The following BCAS3 variants were observed in gnomAD, a reference collection of about 807,000 sequenced individuals.
BCAS3 encodes the protein BCAS4/BCAS3 fusion.
BCAS3 carries 53 observed loss-of-function variants against 116.1 expected under a neutral mutation model. The observed-to-expected ratio is 0.46, with a 90% CI of 0.37 to 0.57. BCAS3 has a LOEUF of 0.57. Among genes scored for constraint, BCAS3 ranks in the 20% least tolerant of loss-of-function variants. The probability of loss-of-function intolerance (pLI) is 0.00; values close to 1 mark genes in which losing one functional copy is unlikely to be tolerated. For missense variants in BCAS3, 917 were observed against 1,165.4 expected (o/e 0.79, Z 3.10); for synonymous variants, 391 against 408.2 (o/e 0.96, Z 0.51).
chr17:61,015,449 C>T (rs1205930871), intron 15 of BCAS3, among the ~76,000 whole-genome samples: 1 of 152,044 alleles, frequency 6.6e-6, no homozygotes, highest in Non-Finnish European at 1.5e-5. Context: ...CCACAATACT[C>T]AGCTAATTTT....
chr17:60,828,878 A>G (rs773475080), intron 7 of BCAS3, among the ~76,000 whole-genome samples: 11 of 152,182 alleles, frequency 7.2e-5, no homozygotes, highest in Non-Finnish European at 1.0e-4. Context: ...TTGATCCCCA[A>G]GGGATATTTG....
chr17:60,753,998 GT>G (rs1186555033), intron 6 of BCAS3, among the ~76,000 whole-genome samples: 2 of 151,978 alleles, frequency 1.3e-5, no homozygotes, highest in African/African-American at 4.8e-5. Context: ...ATAAAGTGTT[GT>G]TTATAAATTA....
chr17:61,237,475 C>G (rs745593076), intron 22 of BCAS3, among the ~76,000 whole-genome samples: 22 of 152,212 alleles, frequency 1.4e-4, no homozygotes, highest in Non-Finnish European at 3.1e-4. Context: ...CCCACTGAGG[C>G]CCCCTAGCAG....
chr17:60,689,052 A>T (rs1201039575), intron 3 of BCAS3: 1 of 152,212 alleles, frequency 6.6e-6, no homozygotes, highest in Non-Finnish European at 1.5e-5. Context: ...TAAAGGTAGT[A>T]GTTGTGTTTG....
intron 14 of BCAS3, among the ~76,000 whole-genome samples, chr17:60,972,974 T>C (rs896590092): frequency 1.2e-4 from 18 of 152,224 alleles, no homozygotes; most frequent in Admixed American, 1.2e-3. Flanking sequence ...TATCCGAGCA[T>C]TGCTCTTGGG....
intron 12 of BCAS3, among the ~76,000 whole-genome samples, chr17:60,912,806 A>G (rs939151492): frequency 1.3e-5 from 2 of 152,064 alleles, no homozygotes; most frequent in Non-Finnish European, 2.9e-5. Flanking sequence ...AAGGCCACCC[A>G]CATTTATTGG....
chr17:60,916,252 C>T (rs996855015), intron 12 of BCAS3, among the ~76,000 whole-genome samples: 1 of 152,082 alleles, frequency 6.6e-6, no homozygotes, highest in African/African-American at 2.4e-5. Context: ...TTTTATATTC[C>T]CACCAGCACT....
intron 6 of BCAS3, among the ~76,000 whole-genome samples, chr17:60,789,339 T>C (rs2046556212): frequency 6.6e-6 from 1 of 152,140 alleles, no homozygotes. Flanking sequence ...GAGTTTACAA[T>C]GGTGTGTGTG....
At chr17:60,765,944 A>G (rs2044046652) in intron 6 of BCAS3, among the ~76,000 whole-genome samples, 1 of 152,200 alleles carries the variant, frequency 6.6e-6, no homozygotes, top group African/African-American at 2.4e-5. Context: ...TTGATCTTCA[A>G]TCACTGATAT....
chr17:61,359,515 G>A (rs2058338380), intron 22 of BCAS3, among the ~76,000 whole-genome samples: 1 of 138,310 alleles, frequency 7.2e-6, no homozygotes, highest in Non-Finnish European at 1.6e-5. Flanking sequence ...TTTTTTTTGA[G>A]ACGGACTCTC....
At chr17:61,081,214 A>G (rs1472996542) in intron 21 of BCAS3, among the ~76,000 whole-genome samples, 2 of 152,170 alleles carry the variant, frequency 1.3e-5, no homozygotes, top group Non-Finnish European at 1.5e-5. Flanking sequence ...TGCACAAGAC[A>G]CTGTCTCATT....
rs554836346 is a variant in BCAS3 at position 60,919,326 on chromosome 17, T to C, written c.994-5081T>C. Among the ~76,000 whole-genome samples, 18 of 152,308 alleles carry C rather than the reference T, an allele frequency of 1.2e-4. 1 individual carries two copies. The East Asian group carries it at 2.1e-3, about 18-fold the overall frequency. On this transcript the variant is annotated intron_variant, in intron 12 of 23. Coordinates refer to ENST00000407086, the MANE Select transcript of BCAS3 (RefSeq NM_017679.5). ...GTCTGTGCATCAGGTATAACACTTC[T>C]AATTTTTTTTTTCTTGAGACGAAGT...
chr17:60,930,862 G>A (rs934634993), intron 13 of BCAS3, among the ~76,000 whole-genome samples: 2 of 152,054 alleles, frequency 1.3e-5, no homozygotes, highest in Non-Finnish European at 2.9e-5. Flanking sequence ...CCACTTCCTG[G>A]GAAACGTTAA....
chr17:61,301,704 T>G (rs550131719), intron 22 of BCAS3, among the ~76,000 whole-genome samples: 1 of 152,164 alleles, frequency 6.6e-6, no homozygotes, highest in Non-Finnish European at 1.5e-5. Flanking sequence ...CTGCCTACAT[T>G]ATAATTGATA....
rs572267073 is a variant in BCAS3, at chr17:61,208,904, A to G, written c.2425+124340A>G. 6.6e-6 allele frequency among the ~76,000 whole-genome samples: 1 copy of G among 151,390 alleles called. No homozygotes were observed. Among genetic ancestry groups the G allele is most frequent in the Admixed American group, 6.6e-5 (1 of 15,188 alleles). The stretch of plus-strand genomic sequence containing the variant: ...AAAAAAAAAAAAAAGGAGGGCCTGT[A>G]TCTCTTGTGTAGCTCAGATCCTTTG... On this transcript the variant is annotated intron_variant, in intron 22 of 23. Coordinates refer to ENST00000407086, the MANE Select transcript of BCAS3 (RefSeq NM_017679.5). The surrounding 1 kb of genome is among the most constrained non-coding windows in gnomAD (Gnocchi z 4.5).
chr17:60,856,940 C>T (rs2053732878), intron 7 of BCAS3, among the ~76,000 whole-genome samples: 2 of 152,040 alleles, frequency 1.3e-5, no homozygotes, highest in South Asian at 2.1e-4. Flanking sequence ...AAATTCCATA[C>T]CTTTGGCTGT....
At chr17:61,291,455 AGCCAACT>A in intron 22 of BCAS3, among the ~76,000 whole-genome samples, 1 of 152,338 alleles carries the variant, frequency 6.6e-6, no homozygotes, top group South Asian at 2.1e-4. Context: ...ACTGTTTTCA[AGCCAACT>A]GCTAGATTGG....
intron 22 of BCAS3, among the ~76,000 whole-genome samples, chr17:61,183,326 C>T (rs934207188): frequency 5.9e-5 from 9 of 152,078 alleles, no homozygotes; most frequent in Admixed American, 2.0e-4. Flanking sequence ...GGTTTTTAGA[C>T]AAACATGTTT....
intron 15 of BCAS3, among the ~76,000 whole-genome samples, chr17:60,996,562 T>C (rs1600317617): frequency 1.3e-5 from 2 of 152,130 alleles, no homozygotes; most frequent in East Asian, 3.9e-4. Flanking sequence ...ATCAGGAATT[T>C]TGGACATGTT....
Sources: allele counts gnomAD v4.1 joint callset (sites outside exome capture counted in the v4.1 genomes callset), GRCh38; gene constraint gnomAD v4.1.1; non-coding constraint Gnocchi (gnomAD v3.1); transcripts MANE v1.5; gene names NCBI Gene and HGNC (gene_info 2026-07-23, HGNC 2026-07-21).